Variants in THSD7B observed in about 807,000 individuals in gnomAD.
THSD7B encodes thrombospondin type 1 domain containing 7B.
A neutral mutation model predicts 213.6 loss-of-function variants in THSD7B; 138 were observed. That is an observed-to-expected ratio of 0.65 (90% CI 0.56 to 0.74). THSD7B has a LOEUF of 0.74. Among genes scored for constraint, THSD7B ranks in the 30% least tolerant of loss-of-function variants. The probability of loss-of-function intolerance (pLI) is 0.00; values close to 1 mark genes in which losing one functional copy is unlikely to be tolerated. For synonymous variants in THSD7B, 742 were observed against 687.0 expected, an observed-to-expected ratio of 1.08 and a Z score of -1.25; for missense variants, 1,931 against 1,991.5, an observed-to-expected ratio of 0.97 and a Z score of 0.58.
At chr2:137,630,264 G>C (rs1183999805) in intron 20 of THSD7B, among the ~76,000 whole-genome samples, 1 of 152,116 alleles carries the variant, frequency 6.6e-6, no homozygotes, top group Non-Finnish European at 1.5e-5. Context: ...AAAGTGCTGG[G>C]GTTATAGGCA....
At chr2:137,502,711 T>A (rs1679738878) in intron 15 of THSD7B, among the ~76,000 whole-genome samples, 1 of 152,208 alleles carries the variant, frequency 6.6e-6, no homozygotes, top group Admixed American at 6.5e-5. Context: ...CCCACTTTGA[T>A]TAATCCAGTG....
chr2:137,257,987 G>A (rs983326530), intron 10 of THSD7B, among the ~76,000 whole-genome samples: 3 of 152,128 alleles, frequency 2.0e-5, no homozygotes, highest in Admixed American at 6.6e-5. Context: ...AATTGTTATA[G>A]GTTCTTATGA....
intron 12 of THSD7B, among the ~76,000 whole-genome samples, chr2:137,314,653 C>A (rs1684035358): frequency 6.6e-6 from 1 of 152,182 alleles, no homozygotes; most frequent in Non-Finnish European, 1.5e-5. Context: ...TACTTTTGGT[C>A]TTTGATGATA....
chr2:137,069,041 G>A (rs531095808), intron 3 of THSD7B, among the ~76,000 whole-genome samples: 1 of 151,964 alleles, frequency 6.6e-6, no homozygotes, highest in Admixed American at 6.6e-5. Context: ...GTAGGCAGTT[G>A]TATTATTCTT....
chr2:136,833,198 T>C (rs550341084), intron 1 of THSD7B, among the ~76,000 whole-genome samples: 1 of 151,998 alleles, frequency 6.6e-6, no homozygotes, highest in East Asian at 1.9e-4. Context: ...ACCCCGTCTC[T>C]ACTAAAAATA....
chr2:136,896,957 T>TA (rs888592279), intron 2 of THSD7B, among the ~76,000 whole-genome samples: 40 of 56,124 alleles, frequency 7.1e-4, no homozygotes, highest in African/African-American at 1.1e-3. Context: ...TATATATATA[T>TA]TTTTTTAAGA....
intron 12 of THSD7B, among the ~76,000 whole-genome samples, chr2:137,375,993 A>G (rs1193963095): frequency 6.6e-6 from 1 of 152,256 alleles, no homozygotes; most frequent in Non-Finnish European, 1.5e-5. Flanking sequence ...TTAAATAGCC[A>G]GATCCACAAG....
intron 2 of THSD7B, among the ~76,000 whole-genome samples, chr2:136,939,933 A>C (rs1024038614): frequency 1.4e-5 from 2 of 146,000 alleles, no homozygotes; most frequent in African/African-American, 5.2e-5. Flanking sequence ...GTGGTGACAC[A>C]GAGCTTTCAT....
chr2:137,194,090 ATATAAGAG>A (rs1381367977), intron 7 of THSD7B, among the ~76,000 whole-genome samples: 1 of 152,166 alleles, frequency 6.6e-6, no homozygotes, highest in Non-Finnish European at 1.5e-5. Flanking sequence ...CAATAAGGAA[ATATAAGAG>A]TAACAAGTAA....
At chr2:137,204,667 C>T (rs1282854582) in intron 7 of THSD7B, among the ~76,000 whole-genome samples, 1 of 151,974 alleles carries the variant, frequency 6.6e-6, no homozygotes, top group Non-Finnish European at 1.5e-5. Flanking sequence ...TTTTATTGAG[C>T]ACAAATTATT....
intron 17 of THSD7B, among the ~76,000 whole-genome samples, chr2:137,604,465 T>C (rs1246955897): frequency 6.6e-6 from 1 of 152,202 alleles, no homozygotes; most frequent in Non-Finnish European, 1.5e-5. Context: ...AATATGTGTG[T>C]TTCATGTCTA....
rs538243611 is a variant in THSD7B, at chr2:137,245,355, C to A, written c.2266+2783C>A. Among the ~76,000 whole-genome samples the A allele has an allele frequency of 3.7e-4, 57 of 152,214 alleles. 1 individual carries two copies. The South Asian group carries it at 0.012, about 32-fold the overall frequency. On this transcript the variant is annotated intron_variant, in intron 10 of 27. Transcript: ENST00000409968. ...CTGCCTATAAAGAAAGCACTTAGAC[C>A]ACCTCCTGACACTGAGTAGGCACTG...
chr2:137,618,521 A>T lies in THSD7B; in HGVS notation c.3681+14A>T. Reference sequence around the variant, plus strand: ...CAATGTGAGCAGGTACTGTGTTTATATTCATATCTCACATCCAAGGCTTTG... The same window carrying T: ...CAATGTGAGCAGGTACTGTGTTTATTTTCATATCTCACATCCAAGGCTTTG... On this transcript the variant is annotated intron_variant, in intron 19 of 27. Coordinates refer to ENST00000409968, the MANE Select transcript of THSD7B (RefSeq NM_001316349.2). The T allele has an allele frequency of 6.2e-7, 1 of 1,609,762 alleles. No individual in the cohort carries two copies. Among genetic ancestry groups the T allele is most frequent in the Non-Finnish European group, 8.5e-7 (1 of 1,176,916 alleles).
intron 15 of THSD7B, among the ~76,000 whole-genome samples, chr2:137,465,878 A>G (rs1336058162): frequency 6.6e-6 from 1 of 152,114 alleles, no homozygotes. Context: ...GCTTCCAACA[A>G]CTTTCTATTG....
chr2:136,979,656 T>G (rs1685541262), intron 2 of THSD7B, among the ~76,000 whole-genome samples: 1 of 152,220 alleles, frequency 6.6e-6, no homozygotes, highest in Non-Finnish European at 1.5e-5. Flanking sequence ...CTAAACTGCT[T>G]ATTCTGGTTA....
At chr2:136,824,755 C>T (rs1248847911) in intron 1 of THSD7B, among the ~76,000 whole-genome samples, 2 of 152,142 alleles carry the variant, frequency 1.3e-5, no homozygotes, top group Admixed American at 6.5e-5. Context: ...GTTTCTTATG[C>T]AGAACTAGTG....
At chr2:136,886,061 G>A (rs1683711106) in intron 2 of THSD7B, among the ~76,000 whole-genome samples, 1 of 152,158 alleles carries the variant, frequency 6.6e-6, no homozygotes, top group Non-Finnish European at 1.5e-5. Context: ...AAGGACCTTA[G>A]GCAGGAGTGT....
chr2:136,910,778 T>A (rs1170702323), intron 2 of THSD7B, among the ~76,000 whole-genome samples: 2 of 152,150 alleles, frequency 1.3e-5, no homozygotes, highest in African/African-American at 4.8e-5. Context: ...TAATTTTTAA[T>A]GATATTAATT....
intron 12 of THSD7B, among the ~76,000 whole-genome samples, chr2:137,302,523 G>A (rs549671093): frequency 1.1e-4 from 16 of 152,222 alleles, no homozygotes; most frequent in South Asian, 2.1e-4. Context: ...GCATGCCATC[G>A]TGAGTTCAAG....
Sources: gnomAD v4.1 joint callset for allele counts (sites outside exome capture counted in the v4.1 genomes callset) on GRCh38, gnomAD v4.1.1 for gene constraint, MANE v1.5 for transcripts, NCBI Gene and HGNC (gene_info 2026-07-23, HGNC 2026-07-21) for gene names.